The following CEP152 variants were observed in gnomAD, a reference collection of about 807,000 sequenced individuals.
CEP152 encodes centrosomal protein 152.
A neutral mutation model predicts 188.9 loss-of-function variants in CEP152; 132 were observed. That is an observed-to-expected ratio of 0.70 (90% CI 0.61 to 0.81). The LOEUF (loss-of-function observed/expected upper bound fraction) is 0.81. Ranked by LOEUF, CEP152 falls within the 30% of genes least tolerant of loss-of-function variation. CEP152 has a pLI of 0.00. For missense variants in CEP152, 1,914 were observed against 1,969.8 expected, an observed-to-expected ratio of 0.97 and a Z score of 0.54; for synonymous variants, 649 against 666.6, an observed-to-expected ratio of 0.97 and a Z score of 0.41.
intron 2 of CEP152, among the ~76,000 whole-genome samples, chr15:48,801,939 C>CA (rs541543542): frequency 2.3e-4 from 35 of 151,708 alleles, no homozygotes; most frequent in South Asian, 1.9e-3. Flanking sequence ...ACTAAAAATA[C>CA]AAAAAAAATT....
chr15:48,766,333 T>C (rs1176351382), intron 17 of CEP152, among the ~76,000 whole-genome samples: 1 of 152,248 alleles, frequency 6.6e-6, no homozygotes, highest in Non-Finnish European at 1.5e-5. Flanking sequence ...GCAGATAGCT[T>C]TCAAACTGTG....
chr15:48,808,567 G>A (rs113554001), intron 1 of CEP152, among the ~76,000 whole-genome samples: 116 of 152,080 alleles, frequency 7.6e-4, no homozygotes, highest in African/African-American at 2.7e-3. Context: ...TTGAAAAGAT[G>A]CTTAAGCTCG....
Position 48,797,326 on chromosome 15 carries a change from G to A in CEP152, c.515C>T (p.Ser172Leu). The change falls in exon 5 of 27, where the codon TCA (serine) becomes TTA (leucine). Residue 172 changes from serine (S) to leucine (L), a missense_variant. Coordinates refer to ENST00000380950, the MANE Select transcript of CEP152 (RefSeq NM_001194998.2). ...CTGAAAATGGTTCCATTGAGGATCT[G>A]AAAATTTAATTACATTGGTTGCTTG... The part of the protein sequence containing the change: ...NNQATNVIKF[S>L]DPQWNHFQGP... 1.9e-6 allele frequency: 3 copies of A among 1,614,042 alleles called. No individual in the cohort carries two copies. The highest frequency in any genetic ancestry group is 2.5e-6 in the Non-Finnish European group (3 of 1,179,998).
rs1897420408 is a variant in CEP152 at position 48,797,959 on chromosome 15, G to A, written c.180C>T (p.Gly60=). ...ELQYSDCSED[G]TDGQPHHPEQ... The stretch of plus-strand genomic sequence containing the variant: ...CTTCAGGTGCTTACTGTCCGTCTGT[G>A]CCATCCTCGCTGCAGTCCGAATACT... Residue 60 remains glycine (G), a synonymous_variant, in exon 3 of 27, where the codon GGC becomes GGT. Transcript: ENST00000380950. 3 of 1,613,750 alleles carry A rather than the reference G, an allele frequency of 1.9e-6. No homozygotes were observed. Among genetic ancestry groups the A allele is most frequent in the Non-Finnish European group, 2.5e-6 (3 of 1,179,788 alleles).
At chr15:48,781,706 A>G (rs7176696) in intron 11 of CEP152, among the ~76,000 whole-genome samples, 50,619 of 152,030 alleles carry the variant, frequency 0.33, 11,795 homozygotes, top group East Asian at 0.63. Context: ...TGCCAAGAAC[A>G]GGTTGTACTT....
rs1292582586 is a variant in CEP152, at chr15:48,781,215, T to C, written c.1558A>G (p.Lys520Glu). 1.2e-6 allele frequency: 2 copies of C among 1,613,434 alleles called. No individual in the cohort carries two copies. The highest frequency in any genetic ancestry group is 4.5e-5 in the East Asian group (2 of 44,744). ...CCATACCTGGTAACTTTGGATTTTT[T>C]CCAGTTGACCTTTTTAATACCCAAA... Reference protein sequence around the residue: ...VDLGIKKVNWKKSKVTSIVQE... With the variant: ...VDLGIKKVNWEKSKVTSIVQE... Residue 520 changes from lysine (K) to glutamate (E), a missense_variant, in exon 12 of 27, where the codon AAA becomes GAA. Coordinates refer to ENST00000380950, the MANE Select transcript of CEP152 (RefSeq NM_001194998.2).
rs1466531483 is a variant in CEP152 at position 48,796,303 on chromosome 15, C to A, written c.541-143G>T. ...GTTTATATATATACACACACACACA[C>A]ACACACACACACACACACACATATA... On this transcript the variant is annotated intron_variant, in intron 5 of 26. Coordinates refer to ENST00000380950, the MANE Select transcript of CEP152 (RefSeq NM_001194998.2). The A allele has an allele frequency of 4.4e-6, 3 of 674,558 alleles. No homozygotes were observed. In the African/African-American group the frequency reaches 5.4e-5, roughly 12 times the overall value. The allele number at this position is 674,558 out of a possible 1,614,324, so 41.8% of individuals were successfully genotyped here.
In CEP152 at chr15:48,755,912, T is replaced by A. The variant is rs1416084894; in HGVS notation, c.3336A>T (p.Glu1112Asp). The A allele has an allele frequency of 6.2e-7, 1 of 1,613,830 alleles. No individual in the cohort carries two copies. Among genetic ancestry groups the A allele is most frequent in the Non-Finnish European group, 8.5e-7 (1 of 1,179,908 alleles). The part of the protein sequence containing the change: ...LPLLVENADP[E>D]WKKRNMAELS... ...ACTCTCAGGAACATACCTTTTTCCA[T>A]TCTGGGTCAGCGTTTTCTACAAGCA... The change falls in exon 20 of 27, where the codon GAA (glutamate) becomes GAT (aspartate). Residue 1112 changes from glutamate (E) to aspartate (D), a missense_variant. Coordinates refer to ENST00000380950, the MANE Select transcript of CEP152 (RefSeq NM_001194998.2).
chr15:48,783,806 T>C (rs973124497), intron 10 of CEP152, 167 bp downstream of exon 10: 1 of 266,040 alleles, frequency 3.8e-6, no homozygotes, highest in African/African-American at 2.3e-5. Flanking sequence ...TATATATATA[T>C]GCCTTCTGTA....
At chr15:48,739,320 G>T in intron 26 of CEP152, 32 bp from the exon 27 acceptor site, 1 of 1,557,432 alleles carries the variant, frequency 6.4e-7, no homozygotes, top group South Asian at 1.3e-5. Flanking sequence ...GAAATTAAGA[G>T]AAAATTAATA....
In CEP152 at chr15:48,767,482, C is replaced by CA. The variant is rs1895215277; in HGVS notation, c.2019-20dup. ...TTCACACCTGGAAACAGAGCGGAATCAAAGGCAATGCCCAGTCTCACTACG... is the reference window on the plus strand; with the variant it reads ...TTCACACCTGGAAACAGAGCGGAATCAAAAGGCAATGCCCAGTCTCACTACG... On this transcript the variant is annotated intron_variant, in intron 15 of 26. Transcript: ENST00000380950. 1.2e-6 allele frequency: 2 copies of CA among 1,613,870 alleles called. No individual in the cohort carries two copies. The highest frequency in any genetic ancestry group is 2.7e-5 in the African/African-American group (2 of 74,906).
Position 48,739,061 on chromosome 15 carries a change from A to G in CEP152, c.4321T>C (p.Leu1441=). ...CTACCATCCCCAAACTGGAATTCCA[A>G]ATGTGTCTCTTTGGATCCCACATGC... The part of the protein sequence containing the change: ...IKHVGSKETH[L]EFQFGDGSCK... Residue 1441 remains leucine, a synonymous_variant, in exon 27 of 27, where the codon TTG becomes CTG. Coordinates refer to ENST00000380950, the MANE Select transcript of CEP152 (RefSeq NM_001194998.2). 6.2e-7 allele frequency: 1 copy of G among 1,614,142 alleles called. No individual in the cohort carries two copies. The highest frequency in any genetic ancestry group is 8.5e-7 in the Non-Finnish European group (1 of 1,179,996).
Position 48,756,572 on chromosome 15 carries a change from T to C in CEP152, c.2695-19A>G, listed in dbSNP as rs1894292040. The C allele has an allele frequency of 6.2e-7, 1 of 1,600,766 alleles. No homozygotes were observed. Among genetic ancestry groups the C allele is most frequent in the African/African-American group, 1.3e-5 (1 of 74,906 alleles). ...ATGATATCTAAAGAACATAACAACA[T>C]GCATTTTGAAAGTCTTTATGATTCT... On this transcript the variant is annotated intron_variant, in intron 19 of 26. Transcript: ENST00000380950.
At position 48,739,064 on chromosome 15, in the gene CEP152, G is replaced by C. The variant is rs374524698; in HGVS notation, c.4318C>G (p.His1440Asp). The change falls in exon 27 of 27, where the codon CAT becomes GAT. Residue 1440 changes from histidine (H) to aspartate (D), a missense_variant. By Grantham distance (81) the His-to-Asp change is moderately conservative. Transcript: ENST00000380950. ...SIKHVGSKETHLEFQFGDGSC... is the reference protein window; with the variant it reads ...SIKHVGSKETDLEFQFGDGSC... Reference sequence around the variant, plus strand: ...CCATCCCCAAACTGGAATTCCAAATGTGTCTCTTTGGATCCCACATGCTTT... The same window carrying C: ...CCATCCCCAAACTGGAATTCCAAATCTGTCTCTTTGGATCCCACATGCTTT... The C allele has an allele frequency of 1.5e-5, 24 of 1,614,154 alleles. No homozygotes were observed. The Admixed American group carries it at 3.0e-4, about 20-fold the overall frequency.
chr15:48,805,594 T>C lies in CEP152; in HGVS notation c.56A>G (p.Tyr19Cys), dbSNP rs374516888. ...ALPVQNEDEE[Y>C]DEEDYEREKE... ...CTCTCTTTCATAGTCCTCTTCGTCA[T>C]ACTCTTCATCTTCATTTTGCACTGG... The change falls in exon 2 of 27, where the codon TAT becomes TGT. Residue 19 changes from tyrosine (Y) to cysteine (C), a missense_variant. Transcript: ENST00000380950. The C allele has an allele frequency of 6.3e-7, 1 of 1,597,248 alleles. No individual in the cohort carries two copies. The highest frequency in any genetic ancestry group is 8.5e-7 in the Non-Finnish European group (1 of 1,171,360).
At position 48,756,044 on chromosome 15, in the gene CEP152, CT is replaced by C; in HGVS notation, c.3203del (p.Lys1068SerfsTer23). The C allele has an allele frequency of 1.9e-6, 3 of 1,614,068 alleles. No homozygotes were observed. Among genetic ancestry groups the C allele is most frequent in the Non-Finnish European group, 2.5e-6 (3 of 1,179,968 alleles). ...AAGTCGACATGATTTCCAAAAGCTG[CT>C]TGTCCTCAGAATCACTGATGTGCTC... ...QKEHISDSED[K>X]QLLEIMSTCS... is the part of the protein sequence containing the mutation. On this transcript the variant is annotated frameshift_variant, in exon 20 of 27. Transcript: ENST00000380950. LOFTEE classifies it high-confidence loss of function.
rs1897426426 is a variant in CEP152 at position 48,798,023 on chromosome 15, T to C, written c.116A>G (p.His39Arg). The C allele has an allele frequency of 6.2e-7, 1 of 1,614,026 alleles. No homozygotes were observed. Among genetic ancestry groups the C allele is most frequent in the Non-Finnish European group, 8.5e-7 (1 of 1,179,944 alleles). The part of the protein sequence containing the change: ...ELQQLLTDLP[H>R]DMLDDDLSSP... The stretch of plus-strand genomic sequence containing the variant: ...GGAGAGGTCGTCATCCAGCATGTCA[T>C]GGGGAAGGTCTGTGAGTAACTGCTG... Residue 39 changes from histidine to arginine, a missense_variant, in exon 3 of 27, where the codon CAT (histidine) becomes CGT (arginine). By Grantham distance (29) the His-to-Arg change is conservative (BLOSUM62 0). Coordinates refer to ENST00000380950, the MANE Select transcript of CEP152 (RefSeq NM_001194998.2).
chr15:48,805,734 A>G, intron 1 of CEP152, 78 bp from the exon 2 acceptor site: 9 of 1,582,678 alleles, frequency 5.7e-6, no homozygotes, highest in Non-Finnish European at 7.8e-6. Context: ...GAGATGCCAT[A>G]CATACACAAA....
intron 2 of CEP152, among the ~76,000 whole-genome samples, chr15:48,804,903 C>T (rs1292462957): frequency 6.6e-6 from 1 of 152,218 alleles, no homozygotes. Context: ...CTGGCCGCTC[C>T]ACATGATCTG....
Sources: allele counts gnomAD v4.1 joint callset (sites outside exome capture counted in the v4.1 genomes callset), GRCh38; gene constraint gnomAD v4.1.1; transcripts MANE v1.5; gene names NCBI Gene and HGNC (gene_info 2026-07-23, HGNC 2026-07-21).